FUBP3: variants seen among roughly 807,000 people sequenced by gnomAD.
FUBP3 encodes far upstream element binding protein 3, also known as far upstream element-binding protein 3.
In FUBP3, 28 loss-of-function variants were observed where a neutral mutation model predicts 85.6. The ratio of observed to expected loss-of-function variants is 0.33; its 90% CI spans 0.24 to 0.45. The LOEUF is 0.45. Ranked by LOEUF, FUBP3 falls within the 20% of genes least tolerant of loss-of-function variation. The probability of loss-of-function intolerance (pLI) is 1.00; values close to 1 mark genes in which losing one functional copy is unlikely to be tolerated. For missense variants in FUBP3, 583 were observed against 755.1 expected, an observed-to-expected ratio of 0.77 and a Z score of 2.67; for synonymous variants, 271 against 271.4, an observed-to-expected ratio of 1.00 and a Z score of 0.01.
chr9:130,589,406 C>T (rs937068614), intron 1 of FUBP3, among the ~76,000 whole-genome samples: 1 of 145,364 alleles, frequency 6.9e-6, no homozygotes, highest in East Asian at 3.0e-4. Flanking sequence ...TGCAATGGCT[C>T]GATCTCGGCT....
Position 130,632,295 on chromosome 9 carries a change from G to T in FUBP3, c.1510+17G>T. 1 of 1,591,566 alleles carries T rather than the reference G, an allele frequency of 6.3e-7. No individual in the cohort carries two copies. ...AGGTCCCAAGTAAGTGACTCGGGGCGGGGAGTGCATGCCCTCCAGAAAGGT... is the reference window on the plus strand; with the variant it reads ...AGGTCCCAAGTAAGTGACTCGGGGCTGGGAGTGCATGCCCTCCAGAAAGGT... On this transcript the variant is annotated intron_variant, in intron 16 of 18. Coordinates refer to ENST00000319725, the MANE Select transcript of FUBP3 (RefSeq NM_003934.2).
At chr9:130,621,119 T>G (rs1829728275) in intron 9 of FUBP3, among the ~76,000 whole-genome samples, 2 of 152,124 alleles carry the variant, frequency 1.3e-5, no homozygotes, top group African/African-American at 4.8e-5. Context: ...TACTTACAAG[T>G]GGTTAAATGA....
rs76367104 is a variant in FUBP3, at chr9:130,627,811, G to A, written c.1117+1306G>A. Reference sequence around the variant, plus strand: ...TTGGCCTTTTGCAAACTATTTTGTCGGCGAAGTTTTCATTTGCTTGTGTCT... The same window carrying A: ...TTGGCCTTTTGCAAACTATTTTGTCAGCGAAGTTTTCATTTGCTTGTGTCT... On this transcript the variant is annotated intron_variant, in intron 12 of 18. Transcript: ENST00000319725. Among the ~76,000 whole-genome samples, 65 of 152,188 alleles carry A rather than the reference G, an allele frequency of 4.3e-4. 1 individual carries two copies. In the East Asian group the frequency reaches 9.7e-3, roughly 23 times the overall value.
intron 2 of FUBP3, among the ~76,000 whole-genome samples, chr9:130,601,872 G>A (rs1311845949): frequency 1.4e-5 from 2 of 143,824 alleles, no homozygotes; most frequent in Admixed American, 7.6e-5. Flanking sequence ...TGCGATCTTG[G>A]CTCACTGCAA....
intron 2 of FUBP3, among the ~76,000 whole-genome samples, chr9:130,597,520 A>T (rs886329315): frequency 4.6e-5 from 7 of 152,206 alleles, no homozygotes; most frequent in Non-Finnish European, 1.0e-4. Flanking sequence ...TCATCACGCC[A>T]TCAGCAAGAC....
At chr9:130,584,393 T>G (rs1336253789) in intron 1 of FUBP3, among the ~76,000 whole-genome samples, 1 of 151,544 alleles carries the variant, frequency 6.6e-6, no homozygotes, top group African/African-American at 2.4e-5. Context: ...CTGGGTGTGG[T>G]GGCAGGTGCC....
chr9:130,614,452 C>G, intron 6 of FUBP3, 107 bp downstream of exon 6: 1 of 685,930 alleles, frequency 1.5e-6, no homozygotes, highest in Non-Finnish European at 2.6e-6. Flanking sequence ...GTGCTGCAGT[C>G]TGGCCACACA....
intron 8 of FUBP3, among the ~76,000 whole-genome samples, chr9:130,618,342 G>A (rs1316489658): frequency 8.5e-5 from 13 of 152,186 alleles, no homozygotes; most frequent in Admixed American, 5.9e-4. Context: ...TCTGCTTGGC[G>A]TTTACTTGCT....
intron 9 of FUBP3, among the ~76,000 whole-genome samples, chr9:130,622,320 CAAAAAAAAAAAA>C (rs917479721): frequency 1.8e-4 from 8 of 44,348 alleles, no homozygotes; most frequent in South Asian, 1.5e-3. Context: ...ACTCCATCTC[CAAAAAAAAAAAA>C]AAAAAAAAAA....
intron 16 of FUBP3, among the ~76,000 whole-genome samples, chr9:130,633,222 G>A (rs1204354768): frequency 6.6e-6 from 1 of 152,228 alleles, no homozygotes; most frequent in Non-Finnish European, 1.5e-5. Flanking sequence ...AAATTGTATA[G>A]TTGTGTTTCT....
intron 12 of FUBP3, 27 bp downstream of exon 12, chr9:130,626,532 C>T (rs938378040): frequency 1.9e-6 from 3 of 1,607,782 alleles, no homozygotes; most frequent in Middle Eastern, 1.7e-4. Context: ...GTTTCACATC[C>T]CCCCTCAGCT....
At chr9:130,627,495 C>G (rs1317566457) in intron 12 of FUBP3, among the ~76,000 whole-genome samples, 3 of 152,212 alleles carry the variant, frequency 2.0e-5, no homozygotes, top group Admixed American at 6.5e-5. Flanking sequence ...GGTGGGAGCC[C>G]CCCGACACTC....
At chr9:130,584,691 A>G (rs1031599849) in intron 1 of FUBP3, among the ~76,000 whole-genome samples, 8 of 148,912 alleles carry the variant, frequency 5.4e-5, no homozygotes, top group Non-Finnish European at 1.0e-4. Context: ...CAACATGGCA[A>G]AACCCCGTCT....
intron 12 of FUBP3, among the ~76,000 whole-genome samples, chr9:130,627,610 G>A (rs1830029521): frequency 1.3e-5 from 2 of 152,328 alleles, no homozygotes; most frequent in South Asian, 4.1e-4. Context: ...ACTCAGAGTT[G>A]GTATGGGTTC....
At chr9:130,589,705 A>ATTTTT (rs779633795) in intron 1 of FUBP3, among the ~76,000 whole-genome samples, 15 of 73,828 alleles carry the variant, frequency 2.0e-4, no homozygotes, top group African/African-American at 9.2e-4. Flanking sequence ...ATATATATAT[A>ATTTTT]TTTTTTTTTT....
rs1051763412 is a variant in FUBP3, at chr9:130,615,981, A to G, written c.405-374A>G. The stretch of plus-strand genomic sequence containing the variant: ...ATGTATATATTGAGTCTACTCTGTG[A>G]GAAGGGTCATGTTGGATGGGGGAAC... On this transcript the variant is annotated intron_variant, in intron 6 of 18. Transcript: ENST00000319725. Among the ~76,000 whole-genome samples the G allele has an allele frequency of 2.0e-5, 3 of 152,082 alleles. No homozygotes were observed. The East Asian group carries it at 5.8e-4, about 29-fold the overall frequency.
intron 12 of FUBP3, among the ~76,000 whole-genome samples, chr9:130,629,899 C>T (rs774550956): frequency 6.6e-6 from 1 of 152,212 alleles, no homozygotes; most frequent in Non-Finnish European, 1.5e-5. Flanking sequence ...GAAGAAGAAT[C>T]CAACTATTGT....
chr9:130,602,600 A>G (rs1831210317), intron 2 of FUBP3, among the ~76,000 whole-genome samples: 1 of 152,086 alleles, frequency 6.6e-6, no homozygotes. Context: ...TGAATCTCAG[A>G]AGTGTTGATA....
chr9:130,603,845 A>G (rs956232849), intron 2 of FUBP3, among the ~76,000 whole-genome samples: 77 of 152,174 alleles, frequency 5.1e-4, no homozygotes, highest in African/African-American at 1.8e-3. Flanking sequence ...ACAGTTTGGG[A>G]GTGTCACAAA....
Sources: allele counts gnomAD v4.1 joint callset (sites outside exome capture counted in the v4.1 genomes callset), GRCh38; gene constraint gnomAD v4.1.1; transcripts MANE v1.5; gene names NCBI Gene and HGNC (gene_info 2026-07-23, HGNC 2026-07-21).